PPP1R14C: variants seen among roughly 807,000 people sequenced by gnomAD.
PPP1R14C encodes protein phosphatase 1 regulatory inhibitor subunit 14C.
PPP1R14C carries 16 observed loss-of-function variants against 20.4 expected under a neutral mutation model. The observed-to-expected ratio is 0.78, with a 90% CI of 0.53 to 1.19. PPP1R14C has a LOEUF of 1.19. PPP1R14C is among the 50% of genes most tolerant of loss of function. The probability of loss-of-function intolerance (pLI) is 0.00; values close to 1 mark genes in which losing one functional copy is unlikely to be tolerated. For missense variants in PPP1R14C, 211 were observed against 220.1 expected (o/e 0.96, Z 0.26); for synonymous variants, 91 against 91.0 (o/e 1.00, Z 0.00).
intron 1 of PPP1R14C, among the ~76,000 whole-genome samples, chr6:150,180,299 CTAT>C (rs1411754100): frequency 2.0e-5 from 3 of 152,160 alleles, no homozygotes; most frequent in African/African-American, 4.8e-5. Context: ...TGGATGTTAG[CTAT>C]TATTATGTTT....
intron 1 of PPP1R14C, among the ~76,000 whole-genome samples, chr6:150,210,269 GT>G (rs1385984366): frequency 6.6e-6 from 1 of 152,172 alleles, no homozygotes; most frequent in Non-Finnish European, 1.5e-5. Flanking sequence ...GAGCCCCGGT[GT>G]GCTCCCGTCA....
intron 1 of PPP1R14C, among the ~76,000 whole-genome samples, chr6:150,195,513 A>G (rs901416438): frequency 2.0e-4 from 31 of 152,040 alleles, no homozygotes; most frequent in African/African-American, 7.5e-4. Context: ...ATGCCTGGCT[A>G]ATTTTTGTAT....
chr6:150,200,433 T>C (rs144174290), intron 1 of PPP1R14C, among the ~76,000 whole-genome samples: 1,721 of 152,236 alleles, frequency 0.011, 29 homozygotes, highest in African/African-American at 0.039. Flanking sequence ...CAACCCTTCC[T>C]TAACCAAGTC....
intron 3 of PPP1R14C, among the ~76,000 whole-genome samples, chr6:150,222,903 G>A (rs1397385119): frequency 6.6e-6 from 1 of 150,422 alleles, no homozygotes; most frequent in Non-Finnish European, 1.5e-5. Context: ...TCAGTAGCTG[G>A]GATTACAGGC....
At chr6:150,174,258 C>G (rs914949083) in intron 1 of PPP1R14C, among the ~76,000 whole-genome samples, 4 of 152,140 alleles carry the variant, frequency 2.6e-5, no homozygotes, top group East Asian at 3.9e-4. Context: ...CTCCCTCTGT[C>G]GCCCAGGCTG....
At chr6:150,168,176 T>TG (rs1777453952) in intron 1 of PPP1R14C, among the ~76,000 whole-genome samples, 1 of 128,016 alleles carries the variant, frequency 7.8e-6, no homozygotes, top group Non-Finnish European at 1.7e-5. Context: ...TTTTTGTCTT[T>TG]GAGGTTCACA....
intron 1 of PPP1R14C, among the ~76,000 whole-genome samples, chr6:150,208,125 G>A (rs7755328): frequency 0.12 from 18,807 of 152,118 alleles, 1,278 homozygotes; most frequent in African/African-American, 0.14. Context: ...CACCTCTGAA[G>A]GTTCCCATTA....
Position 150,157,391 on chromosome 6 carries a change from T to G in PPP1R14C, c.306+13893T>G, listed in dbSNP as rs142348652. Among the ~76,000 whole-genome samples the G allele has an allele frequency of 2.4e-3, 366 of 152,308 alleles. 2 individuals carry two copies. The highest frequency in any genetic ancestry group is 8.0e-3 in the African/African-American group (332 of 41,562). On this transcript the variant is annotated intron_variant, in intron 1 of 3. Coordinates refer to ENST00000361131, the MANE Select transcript of PPP1R14C (RefSeq NM_030949.3). The stretch of plus-strand genomic sequence containing the variant: ...CAAAACAAACAGAAAAGTTTCTAAG[T>G]ATGGCTTCTTACTGGTGGTGGGAAA...
rs1167915049 is a variant in PPP1R14C, at chr6:150,185,736, C to T, written c.307-29008C>T. ...ATGTTACACTCAGGAGTGACCCAAA[C>T]TTTCAGTGGCTTAAACCGAGCAAGT... is the stretch of plus-strand genomic sequence containing the variant. On this transcript the variant is annotated intron_variant, in intron 1 of 3. Transcript: ENST00000361131. This position sits in a 1 kb window ranked among gnomAD's most constrained non-coding sequence, Gnocchi z 4.1. 6.6e-6 allele frequency among the ~76,000 whole-genome samples: 1 copy of T among 152,106 alleles called. No homozygotes were observed. The highest frequency in any genetic ancestry group is 1.5e-5 in the Non-Finnish European group (1 of 68,030).
chr6:150,153,430 T>C (rs1384183070), intron 1 of PPP1R14C, among the ~76,000 whole-genome samples: 3 of 152,232 alleles, frequency 2.0e-5, no homozygotes, highest in African/African-American at 7.2e-5. Context: ...AAGAAAGGGA[T>C]CACGAGTTAC....
At position 150,201,975 on chromosome 6, in the gene PPP1R14C, C is replaced by G. The variant is rs1777883158; in HGVS notation, c.307-12769C>G. Reference sequence around the variant, plus strand: ...TGGTAATAATTTACAAAGAAGCATGCCCTTTGCTCTGCTCATTTCACAAGG... The same window carrying G: ...TGGTAATAATTTACAAAGAAGCATGGCCTTTGCTCTGCTCATTTCACAAGG... On this transcript the variant is annotated intron_variant, in intron 1 of 3. Coordinates refer to ENST00000361131, the MANE Select transcript of PPP1R14C (RefSeq NM_030949.3). This position sits in a 1 kb window ranked among gnomAD's most constrained non-coding sequence, Gnocchi z 4.2. 2.0e-5 allele frequency among the ~76,000 whole-genome samples: 3 copies of G among 152,244 alleles called. No homozygotes were observed. The South Asian group carries it at 6.2e-4, about 32-fold the overall frequency.
chr6:150,155,784 G>A (rs1364302513), intron 1 of PPP1R14C, among the ~76,000 whole-genome samples: 1 of 151,872 alleles, frequency 6.6e-6, no homozygotes, highest in African/African-American at 2.4e-5. Context: ...CAGCACTTTG[G>A]GAGGCTGAGG....
At chr6:150,210,051 C>G (rs1274650517) in intron 1 of PPP1R14C, among the ~76,000 whole-genome samples, 1 of 151,982 alleles carries the variant, frequency 6.6e-6, no homozygotes, top group African/African-American at 2.4e-5. Context: ...TGCGGGCCAG[C>G]TGTGTTTCAG....
At chr6:150,187,247 CTGTGTGTGTGTGTGTGTGTGTGTG>C (rs61153538) in intron 1 of PPP1R14C, among the ~76,000 whole-genome samples, 1 of 141,496 alleles carries the variant, frequency 7.1e-6, no homozygotes, top group Non-Finnish European at 1.5e-5. Context: ...TTCTCTTTCT[CTGTGTGTGTGTGTGTGTGTGTGTG>C]TGTGTGTGTG....
chr6:150,157,883 T>A (rs1158043032), intron 1 of PPP1R14C, among the ~76,000 whole-genome samples: 6 of 152,182 alleles, frequency 3.9e-5, no homozygotes, highest in African/African-American at 1.2e-4. Context: ...CTCTTAAAGT[T>A]TCCACCTCCC....
At chr6:150,161,582 G>A (rs755441501) in intron 1 of PPP1R14C, among the ~76,000 whole-genome samples, 10 of 152,180 alleles carry the variant, frequency 6.6e-5, no homozygotes, top group Admixed American at 1.3e-4. Flanking sequence ...CAAACCTGTG[G>A]TTCCCACCAT....
At chr6:150,152,020 T>C (rs910003572) in intron 1 of PPP1R14C, among the ~76,000 whole-genome samples, 9 of 148,660 alleles carry the variant, frequency 6.1e-5, no homozygotes, top group Non-Finnish European at 1.0e-4. Context: ...CTTGGGAGGC[T>C]GAGGCAGGAG....
intron 1 of PPP1R14C, among the ~76,000 whole-genome samples, chr6:150,158,703 T>G (rs1340957049): frequency 6.6e-6 from 1 of 152,180 alleles, no homozygotes; most frequent in East Asian, 1.9e-4. Flanking sequence ...AAAGTTGTTT[T>G]TTAGAAGGGG....
intron 1 of PPP1R14C, among the ~76,000 whole-genome samples, chr6:150,161,141 G>A (rs4870328): frequency 0.25 from 37,326 of 151,844 alleles, 4,804 homozygotes; most frequent in South Asian, 0.37. Context: ...TTAGCCAGAC[G>A]TGGTGGCATG....
Sources: allele counts gnomAD v4.1 joint callset (sites outside exome capture counted in the v4.1 genomes callset), GRCh38; gene constraint gnomAD v4.1.1; non-coding constraint Gnocchi (gnomAD v3.1); transcripts MANE v1.5; gene names NCBI Gene and HGNC (gene_info 2026-07-23, HGNC 2026-07-21).